LTN1: variants seen among roughly 807,000 people sequenced by gnomAD.
LTN1 encodes the protein E3 ubiquitin-protein ligase listerin.
A neutral mutation model predicts 201.2 loss-of-function variants in LTN1; 88 were observed. That is an observed-to-expected ratio of 0.44 (90% CI 0.37 to 0.52). The LOEUF (loss-of-function observed/expected upper bound fraction) is 0.52. Ranked by LOEUF, LTN1 falls within the 20% of genes least tolerant of loss-of-function variation. The probability of loss-of-function intolerance (pLI) is 0.00; values close to 1 mark genes in which losing one functional copy is unlikely to be tolerated. For synonymous variants in LTN1, 645 were observed against 713.5 expected (o/e 0.90, Z 1.53); for missense variants, 1,752 against 2,038.7 (o/e 0.86, Z 2.71).
chr21:28,967,084 G>A lies in LTN1; in HGVS notation c.1407C>T (p.Ala469=). ...HLAETLSSWE[A]KADTEKDEKT... ...TTTCATCTTTTTCCGTGTCTGCTTT[G>A]GCTTCCCAGGAACTTAGAGTTTCTG... is the stretch of plus-strand genomic sequence containing the variant. The change falls in exon 10 of 30, where the codon GCC becomes GCT. Residue 469 remains alanine, a synonymous_variant. Transcript: ENST00000361371. The A allele has an allele frequency of 6.2e-7, 1 of 1,613,978 alleles. No homozygotes were observed. The highest frequency in any genetic ancestry group is 2.2e-5 in the East Asian group (1 of 44,888).
rs201556137 is a variant in LTN1 at position 28,930,091 on chromosome 21, C to CG, written c.*356dup. 1.4e-4 allele frequency: 23 copies of CG among 168,652 alleles called. No homozygotes were observed. The East Asian group carries it at 3.5e-3, about 26-fold the overall frequency. The allele number at this position is 168,652 out of a possible 1,614,324, so 10.4% of individuals were successfully genotyped here. On this transcript the variant is annotated 3_prime_UTR_variant, in exon 30 of 30. Coordinates refer to ENST00000361371, the MANE Select transcript of LTN1 (RefSeq NM_015565.3). ...CTATTCTAAAACACAGATCAACAAA[C>CG]GGAATGGGTTTATCAATAATATAGT... is the stretch of plus-strand genomic sequence containing the variant.
At chr21:28,961,432 G>A (rs1354431576) in intron 11 of LTN1, 1 of 166,666 alleles carries the variant, frequency 6.0e-6, no homozygotes, top group African/African-American at 2.4e-5. Context: ...AAAAAAAGCT[G>A]TAAATCCACC....
chr21:28,964,592 T>C lies in LTN1; in HGVS notation c.2163+1273A>G, dbSNP rs577122765. ...CTGAACTTACGATGTCTCTGAGATA[T>C]GCCAGTATGAACATATCTAATGAAA... On this transcript the variant is annotated intron_variant, in intron 11 of 29. Transcript: ENST00000361371. 2.3e-5 allele frequency: 35 copies of C among 1,539,916 alleles called. No individual in the cohort carries two copies. In the Admixed American group the frequency reaches 3.2e-4, roughly 14 times the overall value.
At chr21:28,965,831 CAA>C (rs71335064) in intron 11 of LTN1, 32 bp downstream of exon 11, 233 of 898,334 alleles carry the variant, frequency 2.6e-4, no homozygotes, top group East Asian at 3.8e-4. Flanking sequence ...CCCATAAATA[CAA>C]AAAAAAAAAG....
intron 18 of LTN1, among the ~76,000 whole-genome samples, chr21:28,948,270 C>CTT (rs869195177): frequency 1.6e-4 from 20 of 126,648 alleles, no homozygotes; most frequent in African/African-American, 3.2e-4. Context: ...TCTTTTCTTT[C>CTT]TTTTTTTTTT....
At chr21:28,970,395 G>A (rs1374081415) in intron 8 of LTN1, among the ~76,000 whole-genome samples, 157 bp downstream of exon 8, 3 of 151,934 alleles carry the variant, frequency 2.0e-5, no homozygotes, top group Non-Finnish European at 2.9e-5. Flanking sequence ...AGTCTTGAAC[G>A]TACTCAAGAA....
rs1465435753 is a variant in LTN1, at chr21:28,960,726, G to T, written c.2164-20C>A. 6 of 1,560,120 alleles carry T rather than the reference G, an allele frequency of 3.8e-6. No individual in the cohort carries two copies. Among genetic ancestry groups the T allele is most frequent in the Non-Finnish European group, 5.3e-6 (6 of 1,135,338 alleles). On this transcript the variant is annotated intron_variant, in intron 11 of 29. Coordinates refer to ENST00000361371, the MANE Select transcript of LTN1 (RefSeq NM_015565.3). ...ACATGCCTAAAACCATAAAATTAAA[G>T]CAAAGATTAACAGCAAGATCAAATA...
At chr21:28,959,808 A>G in intron 12 of LTN1, 111 bp from the exon 13 acceptor site, 1 of 924,450 alleles carries the variant, frequency 1.1e-6, no homozygotes, top group Non-Finnish European at 1.6e-6. Context: ...TTTAAAATGT[A>G]TTAGACAAAA....
In LTN1 at chr21:28,986,038, A is replaced by G. The variant is rs2084695846; in HGVS notation, c.345+101T>C. The G allele has an allele frequency of 1.5e-6, 1 of 678,664 alleles. No individual in the cohort carries two copies. The highest frequency in any genetic ancestry group is 1.7e-5 in the South Asian group (1 of 59,750). The allele number at this position is 678,664 out of a possible 1,614,324, so 42.0% of individuals were successfully genotyped here. On this transcript the variant is annotated intron_variant, in intron 3 of 29. Transcript: ENST00000361371. This position sits in a 1 kb window ranked among gnomAD's most constrained non-coding sequence, Gnocchi z 4.1. Reference sequence around the variant, plus strand: ...GCATAACAATGCTGACATAACATTTAATAACCCTCACCAAAAATCAACATT... The same window carrying G: ...GCATAACAATGCTGACATAACATTTGATAACCCTCACCAAAAATCAACATT...
Position 28,966,451 on chromosome 21 carries a change from G to A in LTN1, c.2040C>T (p.Phe680=), listed in dbSNP as rs1337246104. The A allele has an allele frequency of 1.2e-6, 2 of 1,613,964 alleles. No homozygotes were observed. The highest frequency in any genetic ancestry group is 2.7e-5 in the African/African-American group (2 of 74,904). The change falls in exon 10 of 30, where the codon TTC becomes TTT. Residue 680 remains phenylalanine, a synonymous_variant. Coordinates refer to ENST00000361371, the MANE Select transcript of LTN1 (RefSeq NM_015565.3). Reference sequence around the variant, plus strand: ...GAGCACTGTACAAAATGTCCACCAGGAAACCAAAATCCTTCCTTTGATCTT... The same window carrying A: ...GAGCACTGTACAAAATGTCCACCAGAAAACCAAAATCCTTCCTTTGATCTT... The part of the protein sequence containing the change: ...LNEDQRKDFG[F]LVDILYSALR...
intron 11 of LTN1, among the ~76,000 whole-genome samples, chr21:28,962,228 A>AC (rs1322759653): frequency 6.6e-5 from 10 of 152,218 alleles, no homozygotes; most frequent in African/African-American, 2.2e-4. Context: ...AACATAATGT[A>AC]CAGGCATACC....
chr21:28,974,517 T>C (rs147758516), intron 6 of LTN1, among the ~76,000 whole-genome samples: 86 of 152,298 alleles, frequency 5.6e-4, no homozygotes, highest in African/African-American at 2.0e-3. Flanking sequence ...TCCATGTAGA[T>C]TGAGATCCCA....
chr21:28,932,526 C>T lies in LTN1; in HGVS notation c.5014G>A (p.Ala1672Thr). 6.2e-7 allele frequency: 1 copy of T among 1,614,094 alleles called. No homozygotes were observed. The highest frequency in any genetic ancestry group is 8.5e-7 in the Non-Finnish European group (1 of 1,179,984). ...IVESGKRVGV[A>T]VQQWRNWMLQ... ...ATCCAGTTCCGCCACTGCTGAACAGCTACTCCTACTCTTTTCCCACTTTCT... is the reference window on the plus strand; with the variant it reads ...ATCCAGTTCCGCCACTGCTGAACAGTTACTCCTACTCTTTTCCCACTTTCT... Residue 1672 changes from alanine to threonine, a missense_variant, in exon 28 of 30, where the codon GCT (alanine) becomes ACT (threonine). Around this residue, in one of 3 missense-constraint regions of LTN1, gnomAD observed 261 missense variants for 350.1 expected, o/e 0.75. Transcript: ENST00000361371.
At chr21:28,944,323 A>T in intron 22 of LTN1, 60 bp downstream of exon 22, 3 of 1,390,238 alleles carry the variant, frequency 2.2e-6, no homozygotes, top group Non-Finnish European at 3.0e-6. Context: ...TTTGCTTTTG[A>T]ATTTTTCAGT....
At chr21:28,971,185 C>T (rs1240304224) in intron 7 of LTN1, 86 bp downstream of exon 7, 2 of 1,090,000 alleles carry the variant, frequency 1.8e-6, no homozygotes, top group Non-Finnish European at 2.6e-6. Flanking sequence ...ATTTTATTTC[C>T]AAGAAAGCAT....
intron 27 of LTN1, 124 bp downstream of exon 27, chr21:28,934,985 C>A: frequency 1.4e-6 from 1 of 695,174 alleles, no homozygotes; most frequent in East Asian, 2.7e-5. Context: ...GCATGAGCCA[C>A]GACTCCTGGC....
At chr21:28,942,800 C>T (rs2084307236) in intron 24 of LTN1, among the ~76,000 whole-genome samples, 1 of 152,100 alleles carries the variant, frequency 6.6e-6, no homozygotes, top group Non-Finnish European at 1.5e-5. Context: ...ATAGGCCTAA[C>T]TGACCTTTAA....
intron 12 of LTN1, 60 bp from the exon 13 acceptor site, chr21:28,959,757 A>G: frequency 7.4e-7 from 1 of 1,351,396 alleles, no homozygotes; most frequent in Non-Finnish European, 9.9e-7. Flanking sequence ...ATTTTTAAAT[A>G]TCTTACTTTG....
intron 25 of LTN1, among the ~76,000 whole-genome samples, chr21:28,939,549 AT>A (rs892521346): frequency 5.3e-5 from 8 of 152,148 alleles, no homozygotes; most frequent in Admixed American, 2.0e-4. Flanking sequence ...AATTCTGTTT[AT>A]TTCAGGATTC....
Sources: allele counts gnomAD v4.1 joint callset (sites outside exome capture counted in the v4.1 genomes callset), GRCh38; gene constraint gnomAD v4.1.1; regional missense constraint gnomAD v4.1.1; non-coding constraint Gnocchi (gnomAD v3.1); transcripts MANE v1.5; gene names NCBI Gene and HGNC (gene_info 2026-07-23, HGNC 2026-07-21).